Variants in GGA2 observed in about 807,000 individuals in gnomAD.
GGA2 encodes ADP-ribosylation factor-binding protein GGA2.
GGA2 carries 48 observed loss-of-function variants against 79.5 expected under a neutral mutation model. That is an observed-to-expected ratio of 0.60 (90% confidence interval 0.48 to 0.77). GGA2 has a LOEUF of 0.77. Among genes scored for constraint, GGA2 ranks in the 30% least tolerant of loss-of-function variants. The probability of loss-of-function intolerance (pLI) is 0.00; values close to 1 mark genes in which losing one functional copy is unlikely to be tolerated. For synonymous variants in GGA2, 317 were observed against 302.0 expected (o/e 1.05, Z -0.51); for missense variants, 770 against 774.0 (o/e 0.99, Z 0.06).
In GGA2 at chr16:23,491,819, G is replaced by C; in HGVS notation, c.352-19C>G. The C allele has an allele frequency of 6.3e-7, 1 of 1,584,620 alleles. No homozygotes were observed. The highest frequency in any genetic ancestry group is 8.7e-7 in the Non-Finnish European group (1 of 1,154,452). On this transcript the variant is annotated intron_variant, in intron 4 of 16. Transcript: ENST00000309859. ...CCAGGTACTGAAAGTAAAAAGGAAA[G>C]AGAATTCTAGAGCTGGAAGGGACTT...
upstream of GGA2, among the ~76,000 whole-genome samples, chr16:23,515,418 A>T (rs2142151246): frequency 6.6e-6 from 1 of 151,648 alleles, no homozygotes; most frequent in East Asian, 1.9e-4. Flanking sequence ...CCAACATGAC[A>T]AAACCCCTTC....
At chr16:23,509,570 A>G (rs1038930639) in intron 1 of GGA2, among the ~76,000 whole-genome samples, 2 of 152,044 alleles carry the variant, frequency 1.3e-5, no homozygotes, top group African/African-American at 4.8e-5. Context: ...TACAAGGGGA[A>G]TATTCTTTAT....
rs1744284583 is a variant in GGA2 at position 23,465,381 on chromosome 16, C to T, written c.*2209G>A. On this transcript the variant is annotated 3_prime_UTR_variant, in exon 17 of 17. Transcript: ENST00000309859. Reference sequence around the variant, plus strand: ...AGGGAGTGATGCCATAAACCACAGCCACTTTCAGGACAGCAGCCTGCCTCC... The same window carrying T: ...AGGGAGTGATGCCATAAACCACAGCTACTTTCAGGACAGCAGCCTGCCTCC... 1 of 703,004 alleles carries T rather than the reference C, an allele frequency of 1.4e-6. No homozygotes were observed. The highest frequency in any genetic ancestry group is 1.7e-5 in the African/African-American group (1 of 57,378). 43.5% of individuals were successfully genotyped at this position (703,004 alleles called of 1,614,324 possible).
chr16:23,481,901 A>C (rs559228770), intron 9 of GGA2, among the ~76,000 whole-genome samples: 8 of 151,864 alleles, frequency 5.3e-5, no homozygotes, highest in African/African-American at 1.9e-4. Context: ...TTTTTTTTTA[A>C]GTTAGCAAGA....
Position 23,495,742 on chromosome 16 carries a change from C to G in GGA2, c.128G>C (p.Trp43Ser). 1.2e-6 allele frequency: 2 copies of G among 1,612,560 alleles called. No homozygotes were observed. The highest frequency in any genetic ancestry group is 1.7e-6 in the Non-Finnish European group (2 of 1,178,646). Residue 43 changes from tryptophan to serine, a missense_variant, in exon 2 of 17, where the codon TGG becomes TCG. Coordinates refer to ENST00000309859, the MANE Select transcript of GGA2 (RefSeq NM_015044.4). ...CTCACAGAAATTCTGGATAGCTGAC[C>G]AATCCTGTTCCGACATGCTTGGGTC... is the stretch of plus-strand genomic sequence containing the variant. The part of the protein sequence containing the change: ...ATDPSMSEQD[W>S]SAIQNFCEQV...
intron 1 of GGA2, among the ~76,000 whole-genome samples, chr16:23,520,948 C>T (rs1314076425): frequency 1.3e-5 from 2 of 152,060 alleles, no homozygotes; most frequent in Non-Finnish European, 2.9e-5. Flanking sequence ...TGTACCACCA[C>T]ACCTGGCTAA....
Position 23,510,483 on chromosome 16 carries a change from T to C in GGA2, c.-72A>G. ...CCGCTGTAGCGTCCTGGCGCTCTCC[T>C]CTGCTGACTGCGCGGCAGGAGCGGT... On this transcript the variant is annotated 5_prime_UTR_variant, in exon 1 of 17. Transcript: ENST00000309859. The C allele has an allele frequency of 1.8e-6, 1 of 545,322 alleles. No homozygotes were observed. The highest frequency in any genetic ancestry group is 2.8e-6 in the Non-Finnish European group (1 of 354,424). The allele number at this position is 545,322 out of a possible 1,614,324, so 33.8% of individuals were successfully genotyped here.
rs537194382 is a variant in GGA2 at position 23,473,168 on chromosome 16, C to T, written c.1450+1736G>A. On this transcript the variant is annotated intron_variant, in intron 14 of 16. Coordinates refer to ENST00000309859, the MANE Select transcript of GGA2 (RefSeq NM_015044.4). ...AAAATGGTATAGGCTTATAAAGTAA[C>T]AGTAAATAGAGTATAAAACATTCTA... is the stretch of plus-strand genomic sequence containing the variant. 4.6e-5 allele frequency among the ~76,000 whole-genome samples: 7 copies of T among 151,102 alleles called. No homozygotes were observed. The South Asian group carries it at 1.0e-3, about 23-fold the overall frequency.
chr16:23,473,359 A>C, intron 14 of GGA2, among the ~76,000 whole-genome samples: 1 of 18,518 alleles, frequency 5.4e-5, no homozygotes, highest in African/African-American at 8.8e-5. Context: ...TTTTTTTTAG[A>C]CAGAGTCTTC....
chr16:23,476,342 C>T (rs1357774069), intron 13 of GGA2, among the ~76,000 whole-genome samples: 1 of 152,170 alleles, frequency 6.6e-6, no homozygotes, highest in Non-Finnish European at 1.5e-5. Flanking sequence ...AACATGGGCA[C>T]TTTCAGGCTG....
rs760133186 is a variant in GGA2, at chr16:23,486,748, G to A, written c.622C>T (p.Gln208Ter). ...LLKSNHPEDL[Q>*]AANRLIKNLV... ...TTCTTGATTAACCGGTTTGCAGCCT[G>A]AAGGTCCTCGGGGTGGTTGCTCTTT... Residue 208 changes from glutamine (Q) to a stop codon, truncating the protein, a stop_gained, in exon 7 of 17, where the codon CAG (glutamine) becomes TAG (stop). Coordinates refer to ENST00000309859, the MANE Select transcript of GGA2 (RefSeq NM_015044.4). LOFTEE classifies it high-confidence loss of function. 1 of 1,612,286 alleles carries A rather than the reference G, an allele frequency of 6.2e-7. No individual in the cohort carries two copies. Among genetic ancestry groups the A allele is most frequent in the South Asian group, 1.1e-5 (1 of 91,036 alleles).
chr16:23,474,885 G>A lies in GGA2; in HGVS notation c.1450+19C>T, dbSNP rs1964557217. 3.2e-6 allele frequency: 5 copies of A among 1,570,854 alleles called. No individual in the cohort carries two copies. Among genetic ancestry groups the A allele is most frequent in the Middle Eastern group, 1.7e-4 (1 of 5,968 alleles). On this transcript the variant is annotated intron_variant, in intron 14 of 16. Transcript: ENST00000309859. ...CCCAGGGAAAAAAAAAAAAAGGTGGGGAGTGAAATTGTACTTACTGGGCTT... is the reference window on the plus strand; with the variant it reads ...CCCAGGGAAAAAAAAAAAAAGGTGGAGAGTGAAATTGTACTTACTGGGCTT...
At chr16:23,472,761 G>A (rs559777862) in intron 14 of GGA2, among the ~76,000 whole-genome samples, 8 of 151,706 alleles carry the variant, frequency 5.3e-5, no homozygotes, top group South Asian at 2.1e-4. Flanking sequence ...AGGGCCGGGC[G>A]CAGTGGCTCA....
chr16:23,486,663 C>T (rs755887692), intron 7 of GGA2, 47 bp downstream of exon 7: 1 of 1,064,968 alleles, frequency 9.4e-7, no homozygotes, highest in Non-Finnish European at 1.5e-6. Context: ...TGTCCTTCAG[C>T]CTCTGTCAAA....
At chr16:23,489,235 A>G (rs1964752497) in intron 5 of GGA2, among the ~76,000 whole-genome samples, 1 of 152,266 alleles carries the variant, frequency 6.6e-6, no homozygotes, top group African/African-American at 2.4e-5. Flanking sequence ...GCAAATTCAC[A>G]ATATTTTTGT....
At chr16:23,485,304 T>C (rs1279228791) in intron 8 of GGA2, among the ~76,000 whole-genome samples, 1 of 152,210 alleles carries the variant, frequency 6.6e-6, no homozygotes, top group Non-Finnish European at 1.5e-5. Context: ...AGATATTCTA[T>C]AACTAGGTAG....
Position 23,491,766 on chromosome 16 carries a change from CCTTT to C in GGA2, c.382_385del (p.Lys128GlufsTer27). ...ACTGAAGAGTATTTCAATGACTCTT[CCTTT>C]AACTTTTCCTGTGGCCCAGGACCCC... is the stretch of plus-strand genomic sequence containing the variant. On this transcript the variant is annotated frameshift_variant, in exon 5 of 17. Coordinates refer to ENST00000309859, the MANE Select transcript of GGA2 (RefSeq NM_015044.4). LOFTEE classifies it high-confidence loss of function. 1 of 1,612,444 alleles carries C rather than the reference CCTTT, an allele frequency of 6.2e-7. No homozygotes were observed. Among genetic ancestry groups the C allele is most frequent in the Non-Finnish European group, 8.5e-7 (1 of 1,178,508 alleles).
Position 23,465,450 on chromosome 16 carries a change from AC to A in GGA2, c.*2139del, listed in dbSNP as rs1259245269. 5.8e-5 allele frequency: 41 copies of A among 702,368 alleles called. No homozygotes were observed. In the Middle Eastern group the frequency reaches 1.1e-3, roughly 20 times the overall value. The allele number at this position is 702,368 out of a possible 1,614,324, so 43.5% of individuals were successfully genotyped here. A position where few individuals can be genotyped will look rare whatever the true frequency, so the allele number is the denominator to read the frequency against. ...CTGTCCAACACCTAAGCATAGTAGT[AC>A]CACTGGGAGTCTGTCTCCTCAAAAG... On this transcript the variant is annotated 3_prime_UTR_variant, in exon 17 of 17. Coordinates refer to ENST00000309859, the MANE Select transcript of GGA2 (RefSeq NM_015044.4).
intron 14 of GGA2, among the ~76,000 whole-genome samples, 181 bp from the exon 15 acceptor site, chr16:23,470,346 T>C (rs1964494680): frequency 6.6e-6 from 1 of 152,162 alleles, no homozygotes; most frequent in African/African-American, 2.4e-5. Context: ...TGGACTCCTA[T>C]GACCCTCCAA....
Sources: gnomAD v4.1 joint callset for allele counts (sites outside exome capture counted in the v4.1 genomes callset) on GRCh38, gnomAD v4.1.1 for gene constraint, MANE v1.5 for transcripts, NCBI Gene and HGNC (gene_info 2026-07-23, HGNC 2026-07-21) for gene names.